UBN2: variants seen among roughly 807,000 people sequenced by gnomAD.
The protein encoded by UBN2 is ubinuclein 2.
A neutral mutation model predicts 120.2 loss-of-function variants in UBN2; 35 were observed. That is an observed-to-expected ratio of 0.29 (90% CI 0.22 to 0.39). The LOEUF is 0.39. Among genes scored for constraint, UBN2 ranks in the 10% least tolerant of loss-of-function variants. The pLI is 1.00. For missense variants in UBN2, 1,693 were observed against 1,663.2 expected, an observed-to-expected ratio of 1.02 and a Z score of -0.31; for synonymous variants, 661 against 648.7, an observed-to-expected ratio of 1.02 and a Z score of -0.29.
Position 139,259,247 on chromosome 7 carries a change from A to G in UBN2, c.802-20A>G, listed in dbSNP as rs756122209. 3 of 1,609,204 alleles carry G rather than the reference A, an allele frequency of 1.9e-6. No homozygotes were observed. Among genetic ancestry groups the G allele is most frequent in the Non-Finnish European group, 2.5e-6 (3 of 1,178,796 alleles). On this transcript the variant is annotated intron_variant, in intron 4 of 17. Coordinates refer to ENST00000473989, the MANE Select transcript of UBN2 (RefSeq NM_173569.4). ...AGCATTGTTACTTACATAAATGATCATTCTTTTATCATTTTGCAGGTCCCC... is the reference window on the plus strand; with the variant it reads ...AGCATTGTTACTTACATAAATGATCGTTCTTTTATCATTTTGCAGGTCCCC...
intron 1 of UBN2, 32 bp downstream of exon 1, chr7:139,231,984 C>T: frequency 1.3e-6 from 2 of 1,563,356 alleles, no homozygotes; most frequent in Non-Finnish European, 1.7e-6. Flanking sequence ...TGCCCCAGAC[C>T]CCGGGAGCCT....
intron 3 of UBN2, among the ~76,000 whole-genome samples, chr7:139,256,072 G>A (rs747708341): frequency 2.0e-5 from 3 of 152,312 alleles, no homozygotes; most frequent in Non-Finnish European, 2.9e-5. Context: ...CTTAAGTTCA[G>A]TGTGTTACCT....
chr7:139,315,937 C>T, the UBN2 span, among the ~76,000 whole-genome samples: 1 of 151,740 alleles, frequency 6.6e-6, no homozygotes, highest in East Asian at 1.9e-4. Flanking sequence ...ATTAGCCGGG[C>T]GTGGTGGCAG....
chr7:139,242,741 T>C (rs1384230422), intron 2 of UBN2, among the ~76,000 whole-genome samples: 1 of 152,182 alleles, frequency 6.6e-6, no homozygotes, highest in African/African-American at 2.4e-5. Context: ...ATCAGCAGTT[T>C]TAGGGTATTT....
At position 139,301,377 on chromosome 7, in the gene UBN2, T is replaced by C. The variant is rs1423703609; in HGVS notation, c.*3541T>C. 3 of 152,222 alleles carry C rather than the reference T, an allele frequency of 2.0e-5. No homozygotes were observed. The highest frequency in any genetic ancestry group is 2.9e-5 in the Non-Finnish European group (2 of 68,024). 9.4% of individuals were successfully genotyped at this position (152,222 alleles called of 1,614,324 possible). On this transcript the variant is annotated 3_prime_UTR_variant, in exon 18 of 18. Transcript: ENST00000473989. ...CCTCTCCCACACCCCTTTCCACCTA[T>C]ACTTGGTTCAAGACATTTTCTGAAA...
intron 7 of UBN2, among the ~76,000 whole-genome samples, chr7:139,267,003 C>T (rs1797117536): frequency 6.6e-6 from 1 of 152,098 alleles, no homozygotes; most frequent in Admixed American, 6.6e-5. Context: ...AATAATTTTG[C>T]ACTCAGAGTT....
At chr7:139,289,668 T>A (rs1166790025) in intron 15 of UBN2, among the ~76,000 whole-genome samples, 4 of 152,154 alleles carry the variant, frequency 2.6e-5, no homozygotes, top group African/African-American at 9.7e-5. Context: ...CAACTCAGCC[T>A]CCCAAAGTGC....
At chr7:139,249,549 A>G (rs991090959) in intron 2 of UBN2, among the ~76,000 whole-genome samples, 3 of 152,194 alleles carry the variant, frequency 2.0e-5, no homozygotes, top group South Asian at 2.1e-4. Flanking sequence ...TTAGAATCAC[A>G]CTTTTCATTG....
In UBN2 at chr7:139,261,544, C is replaced by G; in HGVS notation, c.1198C>G (p.Leu400Val). 6.2e-7 allele frequency: 1 copy of G among 1,614,132 alleles called. No individual in the cohort carries two copies. The highest frequency in any genetic ancestry group is 8.5e-7 in the Non-Finnish European group (1 of 1,180,028). ...HELFQEAENALEMLDDFDFDR... is the reference protein window; with the variant it reads ...HELFQEAENAVEMLDDFDFDR... ...GCTGTTTCAGGAAGCTGAAAATGCC[C>G]TAGAGATGCTAGATGATTTTGACTT... The change falls in exon 6 of 18, where the codon CTA becomes GTA. Residue 400 changes from leucine to valine, a missense_variant. Leu to Val is a conservative substitution (Grantham distance 32). Around this residue, in one of 5 missense-constraint regions of UBN2, gnomAD observed 663 missense variants for 591.2 expected, o/e 1.12. Coordinates refer to ENST00000473989, the MANE Select transcript of UBN2 (RefSeq NM_173569.4).
At chr7:139,310,811 CTG>C (rs1382518659), downstream of UBN2, among the ~76,000 whole-genome samples, 3 of 152,138 alleles carry the variant, frequency 2.0e-5, no homozygotes, top group Non-Finnish European at 2.9e-5. Flanking sequence ...TACGTATACA[CTG>C]TATCTAGCAT....
In UBN2 at chr7:139,231,905, T is replaced by G. The variant is rs756694476; in HGVS notation, c.421T>G (p.Cys141Gly). Reference sequence around the variant, plus strand: ...GCTTAAGGACCCCACCGACGAGAGCTGCGTGGAGTTCAGTTACCCGGAGCT... The same window carrying G: ...GCTTAAGGACCCCACCGACGAGAGCGGCGTGGAGTTCAGTTACCCGGAGCT... ...LVLKDPTDES[C>G]VEFSYPELLL... The change falls in exon 1 of 18, where the codon TGC becomes GGC. Residue 141 changes from cysteine to glycine, a missense_variant. By Grantham distance (159) the Cys-to-Gly change is radical. Coordinates refer to ENST00000473989, the MANE Select transcript of UBN2 (RefSeq NM_173569.4). 4.0e-5 allele frequency: 64 copies of G among 1,586,940 alleles called. No homozygotes were observed. The highest frequency in any genetic ancestry group is 1.7e-4 in the Middle Eastern group (1 of 6,036).
At position 139,231,530 on chromosome 7, in the gene UBN2, C is replaced by A; in HGVS notation, c.46C>A (p.Arg16=). Residue 16 remains arginine, a synonymous_variant, in exon 1 of 18, where the codon CGG becomes AGG. Transcript: ENST00000473989. ...AGCGTTCATTAGCTTGTCACCGGTG[C>A]GGCGGCGCGAGGCCGAGTACCCGGG... ...RVAFISLSPV[R]RREAEYPGPE... is the part of the protein sequence containing the mutation. 1 of 1,417,872 alleles carries A rather than the reference C, an allele frequency of 7.1e-7. No homozygotes were observed. Among genetic ancestry groups the A allele is most frequent in the Non-Finnish European group, 9.3e-7 (1 of 1,077,818 alleles). The allele number at this position is 1,417,872 out of a possible 1,614,324, so 87.8% of individuals were successfully genotyped here. A position where few individuals can be genotyped will look rare whatever the true frequency, so the allele number is the denominator to read the frequency against.
chr7:139,286,233 T>G (rs1797782180), intron 15 of UBN2, among the ~76,000 whole-genome samples: 1 of 152,158 alleles, frequency 6.6e-6, no homozygotes, highest in Non-Finnish European at 1.5e-5. Flanking sequence ...TGGCCTAATT[T>G]TTATATTTTT....
chr7:139,263,766 C>CA (rs34511009), intron 6 of UBN2, among the ~76,000 whole-genome samples: 8,203 of 64,488 alleles, frequency 0.13, 511 homozygotes, highest in Admixed American at 0.31. Flanking sequence ...GACTCCATCT[C>CA]AAAAAAAAAA....
At chr7:139,248,829 A>G (rs965189119) in intron 2 of UBN2, among the ~76,000 whole-genome samples, 1 of 151,500 alleles carries the variant, frequency 6.6e-6, no homozygotes, top group Non-Finnish European at 1.5e-5. Flanking sequence ...CCTCCTACCA[A>G]CCTCTCTCTT....
intron 7 of UBN2, 27 bp downstream of exon 7, chr7:139,266,430 A>AAAAAAGAAGTTT: frequency 7.5e-7 from 1 of 1,336,206 alleles, no homozygotes; most frequent in Non-Finnish European, 1.0e-6. Context: ...AAAAAAAAAA[A>AAAAAAGAAGTTT]CCTTAAGAAT....
chr7:139,288,422 A>G (rs1797850884), intron 15 of UBN2, among the ~76,000 whole-genome samples: 1 of 152,196 alleles, frequency 6.6e-6, no homozygotes. Flanking sequence ...GAACAGTTGT[A>G]TGAAGACACT....
At chr7:139,271,338 G>A (rs778987185) in intron 8 of UBN2, among the ~76,000 whole-genome samples, 1 of 152,074 alleles carries the variant, frequency 6.6e-6, no homozygotes, top group Non-Finnish European at 1.5e-5. Flanking sequence ...TGTAATCCGA[G>A]CACTTTGGGA....
At chr7:139,286,365 A>G (rs1797787733) in intron 15 of UBN2, among the ~76,000 whole-genome samples, 1 of 152,146 alleles carries the variant, frequency 6.6e-6, no homozygotes, top group Non-Finnish European at 1.5e-5. Context: ...CGCCGGGCCT[A>G]TATTTTATCT....
Sources: allele counts gnomAD v4.1 joint callset (sites outside exome capture counted in the v4.1 genomes callset), GRCh38; gene constraint gnomAD v4.1.1; regional missense constraint gnomAD v4.1.1; transcripts MANE v1.5; gene names NCBI Gene and HGNC (gene_info 2026-07-23, HGNC 2026-07-21).